Variants in CIP2A observed in about 807,000 individuals in gnomAD.
CIP2A encodes the protein protein CIP2A.
In CIP2A, 103 loss-of-function variants were observed where a neutral mutation model predicts 110.9. That is an observed-to-expected ratio of 0.93 (90% CI 0.79 to 1.09). The LOEUF (loss-of-function observed/expected upper bound fraction) is 1.09, where lower values mean the gene tolerates loss of function less well. CIP2A is among the 50% of genes least tolerant of loss of function. CIP2A has a pLI of 0.00. For synonymous variants in CIP2A, 381 were observed against 361.6 expected, an observed-to-expected ratio of 1.05 and a Z score of -0.61; for missense variants, 1,088 against 1,038.4, an observed-to-expected ratio of 1.05 and a Z score of -0.66.
At chr3:108,566,682 T>A in intron 10 of CIP2A, 44 bp from the exon 11 acceptor site, 1 of 1,283,076 alleles carries the variant, frequency 7.8e-7, no homozygotes, top group Non-Finnish European at 1.1e-6. Context: ...TCTCACTTTA[T>A]GTGTAAAAGA....
At chr3:108,565,903 A>C (rs1458664521) in intron 11 of CIP2A, among the ~76,000 whole-genome samples, 1 of 151,854 alleles carries the variant, frequency 6.6e-6, no homozygotes, top group East Asian at 1.9e-4. Context: ...CTTACTCTAA[A>C]GGTCCACAAT....
At chr3:108,555,256 T>C (rs1219693100) in intron 17 of CIP2A, among the ~76,000 whole-genome samples, 2 of 152,186 alleles carry the variant, frequency 1.3e-5, no homozygotes, top group South Asian at 2.1e-4. Flanking sequence ...AGGTTCTCTA[T>C]GTGAGACAAA....
chr3:108,553,895 A>ACAG (rs144634893), intron 18 of CIP2A, among the ~76,000 whole-genome samples, 165 bp from the exon 19 acceptor site: 1 of 58,106 alleles, frequency 1.7e-5, no homozygotes. Flanking sequence ...TACTAAAAAT[A>ACAG]TAAAAAAAAA....
chr3:108,578,116 A>T (rs1030698822), intron 7 of CIP2A, among the ~76,000 whole-genome samples: 16 of 152,346 alleles, frequency 1.1e-4, no homozygotes, highest in African/African-American at 3.6e-4. Flanking sequence ...TGATTCTGGG[A>T]TTCTACGATA....
chr3:108,569,447 A>G lies in CIP2A; in HGVS notation c.1055T>C (p.Leu352Ser), dbSNP rs1231696021. Residue 352 changes from leucine to serine, a missense_variant, in exon 9 of 21, where the codon TTG becomes TCG. Leu to Ser is a moderately radical substitution (Grantham distance 145). Transcript: ENST00000295746. ...AACAGAACAGTTTTCTGATCCGTCC[A>G]AAGGTTGGCTTAACCAGCGCAGTAG... ...VALLRWLSQPLDGSENCSVLA... is the reference protein window; with the variant it reads ...VALLRWLSQPSDGSENCSVLA... 5 of 1,612,844 alleles carry G rather than the reference A, an allele frequency of 3.1e-6. No homozygotes were observed. In the East Asian group the frequency reaches 8.9e-5, roughly 29 times the overall value.
intron 1 of CIP2A, among the ~76,000 whole-genome samples, 155 bp from the exon 2 acceptor site, chr3:108,585,367 G>A (rs12330505): frequency 1.3e-5 from 2 of 152,066 alleles, no homozygotes; most frequent in Admixed American, 6.6e-5. Context: ...CCTGCCTAGA[G>A]TACCCATCAA....
At position 108,557,347 on chromosome 3, in the gene CIP2A, T is replaced by A; in HGVS notation, c.2081A>T (p.Lys694Met). 3.1e-6 allele frequency: 5 copies of A among 1,612,440 alleles called. No homozygotes were observed. The highest frequency in any genetic ancestry group is 4.2e-6 in the Non-Finnish European group (5 of 1,178,918). The change falls in exon 17 of 21, where the codon AAG becomes ATG. Residue 694 changes from lysine (K) to methionine (M), a missense_variant. Physicochemically the swap from Lys to Met is moderately conservative, Grantham distance 95 (BLOSUM62 -1). Coordinates refer to ENST00000295746, the MANE Select transcript of CIP2A (RefSeq NM_020890.3). Reference sequence around the variant, plus strand: ...TCTTTCTGATTCAACTTGCTGCGCCTTCAGCAACACACTAAGCTCTTCATT... The same window carrying A: ...TCTTTCTGATTCAACTTGCTGCGCCATCAGCAACACACTAAGCTCTTCATT... ...RKNEELSVLL[K>M]AQQVESERAQ...
rs2083886356 is a variant in CIP2A at position 108,550,742 on chromosome 3, T to A, written c.*407A>T. The A allele has an allele frequency of 6.6e-6, 1 of 151,994 alleles. No homozygotes were observed. The highest frequency in any genetic ancestry group is 2.4e-5 in the African/African-American group (1 of 41,430). The allele number at this position is 151,994 out of a possible 1,614,324, so 9.4% of individuals were successfully genotyped here. A position where few individuals can be genotyped will look rare whatever the true frequency, so the allele number is the denominator to read the frequency against. ...CTTTTTACTTTTACTCTCTCTATAT[T>A]TTTATTTTGTAATCTTTAGGACTGT... On this transcript the variant is annotated 3_prime_UTR_variant, in exon 21 of 21. Transcript: ENST00000295746.
intron 1 of CIP2A, among the ~76,000 whole-genome samples, chr3:108,586,845 T>C (rs983218176): frequency 2.5e-4 from 38 of 152,098 alleles, no homozygotes; most frequent in Middle Eastern, 3.2e-3. Flanking sequence ...TCATCAAACA[T>C]TCAAAGCCTA....
At chr3:108,579,224 C>T in intron 7 of CIP2A, 57 bp downstream of exon 7, 1 of 1,297,610 alleles carries the variant, frequency 7.7e-7, no homozygotes, top group Non-Finnish European at 1.1e-6. Context: ...TGTTTATAAC[C>T]AACACATCTT....
At chr3:108,588,823 T>G (rs11709183) in intron 1 of CIP2A, among the ~76,000 whole-genome samples, 21,624 of 152,190 alleles carry the variant, frequency 0.14, 1,679 homozygotes, top group South Asian at 0.27. Context: ...ATAATGTTTT[T>G]CAAGTTTGAG....
At chr3:108,584,930 G>A in intron 2 of CIP2A, 135 bp downstream of exon 2, 2 of 671,430 alleles carry the variant, frequency 3.0e-6, no homozygotes, top group Non-Finnish European at 4.6e-6. Context: ...AGTGTCAAAA[G>A]ATTCACAATG....
chr3:108,589,040 C>T (rs1040681420), intron 1 of CIP2A, among the ~76,000 whole-genome samples: 2 of 152,326 alleles, frequency 1.3e-5, no homozygotes, highest in East Asian at 3.9e-4. Flanking sequence ...ACCTGAACTT[C>T]CCAACCTTTT....
intron 9 of CIP2A, 71 bp downstream of exon 9, chr3:108,569,318 T>G: frequency 9.1e-7 from 1 of 1,099,220 alleles, no homozygotes; most frequent in East Asian, 2.5e-5. Context: ...TTACAAAGAA[T>G]GTTTTTGAAG....
In CIP2A at chr3:108,569,388, C is replaced by T. The variant is rs1938307050; in HGVS notation, c.1113+1G>A. 3 of 1,604,248 alleles carry T rather than the reference C, an allele frequency of 1.9e-6. No homozygotes were observed. Among genetic ancestry groups the T allele is most frequent in the Non-Finnish European group, 2.6e-6 (3 of 1,172,070 alleles). On this transcript the variant is annotated splice_donor_variant, in intron 9 of 20. Coordinates refer to ENST00000295746, the MANE Select transcript of CIP2A (RefSeq NM_020890.3). LOFTEE classifies it high-confidence loss of function. ...AGTCAATCTGTCAGTCATCCTATTA[C>T]CTCAAATATTTCCTTGAACAACTCC... is the stretch of plus-strand genomic sequence containing the variant.
intron 8 of CIP2A, among the ~76,000 whole-genome samples, chr3:108,573,812 A>G (rs1938477868): frequency 6.6e-6 from 1 of 152,176 alleles, no homozygotes; most frequent in South Asian, 2.1e-4. Context: ...CATTGTTGCA[A>G]ATGATTAGTT....
Position 108,581,499 on chromosome 3 carries a change from T to C in CIP2A, c.465A>G (p.Glu155=). The part of the protein sequence containing the change: ...TFLIDHIQSS[E]DELKMPCLGL... ...CTAGACAAGGCATTTTTAACTCATCTTCAGAAGATTGACTGTTGTTTTACA... is the reference window on the plus strand; with the variant it reads ...CTAGACAAGGCATTTTTAACTCATCCTCAGAAGATTGACTGTTGTTTTACA... The change falls in exon 5 of 21, where the codon GAA becomes GAG. Residue 155 remains glutamate (E), a synonymous_variant. Coordinates refer to ENST00000295746, the MANE Select transcript of CIP2A (RefSeq NM_020890.3). The C allele has an allele frequency of 6.2e-7, 1 of 1,606,552 alleles. No individual in the cohort carries two copies. The highest frequency in any genetic ancestry group is 8.5e-7 in the Non-Finnish European group (1 of 1,173,854).
Position 108,557,424 on chromosome 3 carries a change from A to T in CIP2A, c.2014-10T>A, listed in dbSNP as rs752074356. 2.2e-5 allele frequency: 35 copies of T among 1,568,344 alleles called. No homozygotes were observed. The East Asian group carries it at 7.9e-4, about 36-fold the overall frequency. ...TAGCAAGTGTCCGTGCCTCAAAAAA[A>T]AAAAGAAGATAGACTTTACCACTAT... is the stretch of plus-strand genomic sequence containing the variant. On this transcript the variant is annotated splice_polypyrimidine_tract_variant and intron_variant, in intron 16 of 20. Coordinates refer to ENST00000295746, the MANE Select transcript of CIP2A (RefSeq NM_020890.3).
intron 14 of CIP2A, 91 bp downstream of exon 14, chr3:108,560,557 AT>A (rs1937970593): frequency 1.1e-5 from 8 of 711,416 alleles, no homozygotes; most frequent in Non-Finnish European, 1.6e-5. Flanking sequence ...CAATAGTGAA[AT>A]CTGTACCTGA....
Sources: gnomAD v4.1 joint callset for allele counts (sites outside exome capture counted in the v4.1 genomes callset) on GRCh38, gnomAD v4.1.1 for gene constraint, MANE v1.5 for transcripts, NCBI Gene and HGNC (gene_info 2026-07-23, HGNC 2026-07-21) for gene names.